The following GLIS3 variants were observed in gnomAD, a reference collection of about 807,000 sequenced individuals.
GLIS3 encodes GLIS family zinc finger 3.
A neutral mutation model predicts 78.6 loss-of-function variants in GLIS3; 53 were observed. That is an observed-to-expected ratio of 0.67 (90% CI 0.54 to 0.85). The LOEUF (loss-of-function observed/expected upper bound fraction) is 0.85. GLIS3 is among the 40% of genes least tolerant of loss of function. The pLI is 0.00. For missense variants in GLIS3, 1,703 were observed against 1,231.1 expected, an observed-to-expected ratio of 1.38 and a Z score of -5.74; for synonymous variants, 684 against 509.9, an observed-to-expected ratio of 1.34 and a Z score of -4.60.
chr9:4,399,290 T>A, the GLIS3 span, among the ~76,000 whole-genome samples: 43,448 of 152,072 alleles, frequency 0.29, 6,679 homozygotes, highest in African/African-American at 0.37. Context: ...ATTTATCAAC[T>A]TGGGGTAAAT....
chr9:3,875,325 T>C (rs1482534387), intron 8 of GLIS3, among the ~76,000 whole-genome samples: 1 of 152,196 alleles, frequency 6.6e-6, no homozygotes, highest in Non-Finnish European at 1.5e-5. Context: ...CTTGTTAGAT[T>C]GAGAGAACTT....
chr9:4,039,100 A>G (rs913506819), intron 4 of GLIS3, among the ~76,000 whole-genome samples: 2 of 152,174 alleles, frequency 1.3e-5, no homozygotes, highest in African/African-American at 4.8e-5. Context: ...ATACGTTGCT[A>G]TAATCCTGCC....
At chr9:4,334,148 C>G (rs1182253930) in intron 2 of GLIS3, among the ~76,000 whole-genome samples, 2 of 152,102 alleles carry the variant, frequency 1.3e-5, no homozygotes, top group Non-Finnish European at 2.9e-5. Context: ...AAAATTCACC[C>G]AAATTTAGGT....
chr9:3,842,906 C>T (rs1818809407), intron 9 of GLIS3, among the ~76,000 whole-genome samples: 1 of 152,198 alleles, frequency 6.6e-6, no homozygotes, highest in Non-Finnish European at 1.5e-5. Flanking sequence ...TCCCCTTGGG[C>T]AGGCTCCCAG....
At chr9:4,469,956 A>T in the GLIS3 span, among the ~76,000 whole-genome samples, 3 of 152,216 alleles carry the variant, frequency 2.0e-5, no homozygotes, top group African/African-American at 7.2e-5. Flanking sequence ...GGATATCACC[A>T]CTGATCCCAC....
chr9:4,267,135 C>G (rs566726687), intron 2 of GLIS3, among the ~76,000 whole-genome samples: 1 of 152,018 alleles, frequency 6.6e-6, no homozygotes, highest in African/African-American at 2.4e-5. Flanking sequence ...CTGCAGACAC[C>G]CACCCCCACA....
At chr9:4,395,306 G>C in the GLIS3 span, among the ~76,000 whole-genome samples, 1 of 152,294 alleles carries the variant, frequency 6.6e-6, no homozygotes, top group Admixed American at 6.5e-5. Context: ...AAAACAAGGT[G>C]AGTCTTGTGT....
the GLIS3 span, among the ~76,000 whole-genome samples, chr9:4,362,325 T>C: frequency 6.6e-6 from 1 of 152,368 alleles, no homozygotes; most frequent in South Asian, 2.1e-4. Flanking sequence ...GAATCTCTCA[T>C]TCTTTTTGCT....
intron 4 of GLIS3, among the ~76,000 whole-genome samples, chr9:4,113,551 A>G (rs1166780405): frequency 6.6e-6 from 1 of 152,202 alleles, no homozygotes; most frequent in African/African-American, 2.4e-5. Flanking sequence ...GGGGATTAAG[A>G]ATTATGCTTA....
intron 4 of GLIS3, among the ~76,000 whole-genome samples, chr9:3,985,109 AC>A (rs56824520): frequency 0.025 from 3,563 of 144,072 alleles, 119 homozygotes; most frequent in African/African-American, 0.084. Context: ...AAAAAAAAAA[AC>A]CCATTTTTCC....
At chr9:4,113,685 G>A (rs1278278481) in intron 4 of GLIS3, among the ~76,000 whole-genome samples, 2 of 152,140 alleles carry the variant, frequency 1.3e-5, no homozygotes, top group Non-Finnish European at 2.9e-5. Context: ...CTCAAGACAT[G>A]TCTTATGAGG....
chr9:4,216,678 T>G (rs1282225477), intron 2 of GLIS3, among the ~76,000 whole-genome samples: 1 of 152,160 alleles, frequency 6.6e-6, no homozygotes, highest in African/African-American at 2.4e-5. Flanking sequence ...TATCCCAATA[T>G]GCCTATGCCT....
intron 1 of GLIS3, among the ~76,000 whole-genome samples, chr9:4,298,014 C>T (rs1001177496): frequency 1.3e-5 from 2 of 152,174 alleles, no homozygotes; most frequent in Non-Finnish European, 2.9e-5. Context: ...TCCCCCGCCG[C>T]CTCCGCCCCT....
chr9:4,411,259 G>A, the GLIS3 span, among the ~76,000 whole-genome samples: 1 of 152,038 alleles, frequency 6.6e-6, no homozygotes, highest in Admixed American at 6.6e-5. Flanking sequence ...GTGTTATAAT[G>A]ACTTCTGTCC....
At chr9:4,213,458 CTGA>C (rs1400552701) in intron 2 of GLIS3, among the ~76,000 whole-genome samples, 2 of 152,224 alleles carry the variant, frequency 1.3e-5, no homozygotes, top group South Asian at 2.1e-4. Context: ...AGTAGAACTT[CTGA>C]TGATGATGGA....
chr9:4,339,291 G>A (rs142769362), intron 2 of GLIS3, among the ~76,000 whole-genome samples: 2 of 152,296 alleles, frequency 1.3e-5, no homozygotes, highest in East Asian at 3.9e-4. Flanking sequence ...AAAGCCAGTG[G>A]GAGGGTGCCA....
At chr9:4,365,680 C>A in the GLIS3 span, among the ~76,000 whole-genome samples, 99 of 152,354 alleles carry the variant, frequency 6.5e-4, no homozygotes, top group African/African-American at 2.4e-3. Flanking sequence ...AAAACGTCAT[C>A]TGAAAAACTG....
intron 4 of GLIS3, among the ~76,000 whole-genome samples, chr9:4,093,953 G>A (rs990320228): frequency 1.3e-5 from 2 of 152,138 alleles, no homozygotes; most frequent in East Asian, 1.9e-4. Context: ...GTATTGAATC[G>A]ATAATTTGCT....
At chr9:4,328,830 C>A (rs907188536) in intron 2 of GLIS3, among the ~76,000 whole-genome samples, 1 of 152,146 alleles carries the variant, frequency 6.6e-6, no homozygotes. Context: ...GATCAGTGCC[C>A]GGCACGTGAC....
Sources: allele counts gnomAD v4.1 joint callset (sites outside exome capture counted in the v4.1 genomes callset), GRCh38; gene constraint gnomAD v4.1.1; transcripts MANE v1.5; gene names NCBI Gene and HGNC (gene_info 2026-07-23, HGNC 2026-07-21).